MMEL1: variants seen among roughly 807,000 people sequenced by gnomAD.
MMEL1 encodes membrane metallo-endopeptidase-like 1.
MMEL1 carries 98 observed loss-of-function variants against 117.1 expected under a neutral mutation model. The ratio of observed to expected loss-of-function variants is 0.84; its 90% CI spans 0.71 to 0.99. The LOEUF (loss-of-function observed/expected upper bound fraction) is 0.99. Ranked by LOEUF, MMEL1 falls within the 50% of genes least tolerant of loss-of-function variation. The pLI is 0.00. For missense variants in MMEL1, 1,014 were observed against 1,049.1 expected (o/e 0.97, Z 0.46); for synonymous variants, 390 against 415.1 (o/e 0.94, Z 0.74).
intron 9 of MMEL1, among the ~76,000 whole-genome samples, chr1:2,604,649 C>T (rs1387560344): frequency 2.6e-5 from 4 of 151,726 alleles, no homozygotes; most frequent in Middle Eastern, 3.4e-3. Context: ...TGGTGGGTGC[C>T]GGGGTGGTGG....
At chr1:2,630,586 C>A (rs959942676) in intron 1 of MMEL1, among the ~76,000 whole-genome samples, 26 of 143,228 alleles carry the variant, frequency 1.8e-4, no homozygotes, top group African/African-American at 5.9e-4. Context: ...TGAGTGTGCA[C>A]GTGTGTGTCC....
chr1:2,601,432 C>A (rs1259802286), intron 11 of MMEL1, among the ~76,000 whole-genome samples: 1 of 152,106 alleles, frequency 6.6e-6, no homozygotes, highest in Non-Finnish European at 1.5e-5. Flanking sequence ...ATTCCTACAT[C>A]TCACTGTCCA....
chr1:2,629,333 C>T lies in MMEL1; in HGVS notation c.152G>A (p.Arg51Lys). The part of the protein sequence containing the change: ...VALGVLYADR[R>K]GKQLPRLASR... Reference sequence around the variant, plus strand: ...GGGGGCGGGGCACCCGCACTCACCTCTGCGGTCGGCGTAGAGGACACCCAA... The same window carrying T: ...GGGGGCGGGGCACCCGCACTCACCTTTGCGGTCGGCGTAGAGGACACCCAA... The change falls in exon 2 of 24, where the codon AGA becomes AAA. Residue 51 changes from arginine to lysine, a missense_variant and splice_region_variant. Arg to Lys is a conservative substitution (Grantham distance 26). Coordinates refer to ENST00000378412, the MANE Select transcript of MMEL1 (RefSeq NM_033467.4). The T allele has an allele frequency of 1.3e-6, 2 of 1,537,266 alleles. No homozygotes were observed.
At chr1:2,598,568 C>G in intron 12 of MMEL1, 86 bp downstream of exon 12, 1 of 1,583,094 alleles carries the variant, frequency 6.3e-7, no homozygotes, top group Non-Finnish European at 8.6e-7. Context: ...ATAGGGTCCC[C>G]TCCTGGGAGC....
At chr1:2,601,416 G>A (rs568137531) in intron 11 of MMEL1, among the ~76,000 whole-genome samples, 5 of 152,202 alleles carry the variant, frequency 3.3e-5, no homozygotes, top group Admixed American at 3.3e-4. Context: ...CCATAAGAAA[G>A]AAACAATTCC....
chr1:2,601,284 G>C (rs1231746551), intron 11 of MMEL1, among the ~76,000 whole-genome samples: 1 of 152,094 alleles, frequency 6.6e-6, no homozygotes, highest in African/African-American at 2.4e-5. Context: ...AGAGAGTCCA[G>C]AAATATACAT....
Position 2,596,858 on chromosome 1 carries a change from G to A in MMEL1, c.1273-169C>T, listed in dbSNP as rs182328090. ...CAGCCTCACCTCTGGGTGCTGCTGC[G>A]GCGGGGGGAAGGATGGGCATGGTAT... On this transcript the variant is annotated intron_variant, in intron 13 of 23. Coordinates refer to ENST00000378412, the MANE Select transcript of MMEL1 (RefSeq NM_033467.4). Among the ~76,000 whole-genome samples, 47 of 152,230 alleles carry A rather than the reference G, an allele frequency of 3.1e-4. No homozygotes were observed. The East Asian group carries it at 7.8e-3, about 25-fold the overall frequency.
rs74983730 is a variant in MMEL1 at position 2,617,802 on chromosome 1, G to T, written c.155-5598C>A. ...ACCCTTTTGACACAATGGCTGAAAA[G>T]AAACAAAATCTTACCCTAATGCTAA... On this transcript the variant is annotated intron_variant, in intron 2 of 23. Transcript: ENST00000378412. Among the ~76,000 whole-genome samples the T allele has an allele frequency of 4.6e-3, 693 of 152,264 alleles. 3 individuals carry two copies. Among genetic ancestry groups the T allele is most frequent in the African/African-American group, 0.015 (630 of 41,540 alleles).
chr1:2,630,496 G>A (rs1056438919), intron 1 of MMEL1, among the ~76,000 whole-genome samples: 7 of 151,216 alleles, frequency 4.6e-5, no homozygotes, highest in South Asian at 2.1e-4. Flanking sequence ...ACGTGTGTGC[G>A]TGTGCTCTCG....
At chr1:2,606,122 A>AGGAGCCC in intron 8 of MMEL1, 126 bp downstream of exon 8, 1 of 732,704 alleles carries the variant, frequency 1.4e-6, no homozygotes, top group Non-Finnish European at 2.3e-6. Context: ...GACAGGAGCC[A>AGGAGCCC]GGAGCCCAGG....
chr1:2,597,646 CG>C (rs1356583564), intron 13 of MMEL1, among the ~76,000 whole-genome samples: 1 of 152,182 alleles, frequency 6.6e-6, no homozygotes, highest in Non-Finnish European at 1.5e-5. Flanking sequence ...GGCCTCCCTG[CG>C]GTTCCTTGTC....
intron 9 of MMEL1, 102 bp from the exon 10 acceptor site, chr1:2,604,383 CT>C: frequency 6.7e-7 from 1 of 1,486,492 alleles, no homozygotes. Flanking sequence ...GGGGAAGCCC[CT>C]AATGCGTGTC....
chr1:2,602,092 C>G (rs551492480), intron 11 of MMEL1, among the ~76,000 whole-genome samples: 8 of 152,334 alleles, frequency 5.3e-5, no homozygotes, highest in Admixed American at 2.0e-4. Context: ...AGAGACAGCA[C>G]AGTGGGACCC....
At chr1:2,604,112 C>G (rs775056206) in intron 10 of MMEL1, 35 bp downstream of exon 10, 1 of 1,549,680 alleles carries the variant, frequency 6.5e-7, no homozygotes, top group Non-Finnish European at 8.8e-7. Flanking sequence ...CCAGCCCACT[C>G]GCTGCCCGCT....
intron 2 of MMEL1, among the ~76,000 whole-genome samples, chr1:2,614,660 T>C (rs937928417): frequency 1.3e-5 from 2 of 151,972 alleles, no homozygotes; most frequent in Admixed American, 6.6e-5. Context: ...CTCTGCCAGG[T>C]GAGCTAGACT....
rs150918608 is a variant in MMEL1 at position 2,606,348 on chromosome 1, T to C, written c.650A>G (p.Glu217Gly). Residue 217 changes from glutamate to glycine, a missense_variant, in exon 8 of 24, where the codon GAG becomes GGG. Physicochemically the swap from Glu to Gly is moderately conservative, Grantham distance 98 (BLOSUM62 -2). Transcript: ENST00000378412. ...NETVGLEWEL[E>G]RQLALMNSQF... ...TGAGTTCATCAGCGCCAGCTGCCGC[T>C]CCAGCTCCCACTCGAGTCCTGGGGA... is the stretch of plus-strand genomic sequence containing the variant. 4.8e-5 allele frequency: 77 copies of C among 1,611,936 alleles called. No individual in the cohort carries two copies. Among genetic ancestry groups the C allele is most frequent in the Non-Finnish European group, 6.0e-5 (71 of 1,179,784 alleles).
intron 1 of MMEL1, among the ~76,000 whole-genome samples, chr1:2,631,467 C>G (rs1248016781): frequency 1.3e-5 from 2 of 151,908 alleles, no homozygotes; most frequent in African/African-American, 4.8e-5. Context: ...TGTCCCTTAG[C>G]CTGTCTGGGC....
intron 11 of MMEL1, among the ~76,000 whole-genome samples, chr1:2,603,037 T>C (rs1011529335): frequency 6.6e-6 from 1 of 151,406 alleles, no homozygotes; most frequent in Non-Finnish European, 1.5e-5. Context: ...GGCAGCGGGG[T>C]GTTGGGGAAG....
chr1:2,623,820 A>G (rs548009428), intron 2 of MMEL1, among the ~76,000 whole-genome samples: 15 of 152,340 alleles, frequency 9.8e-5, no homozygotes, highest in Admixed American at 9.8e-4. Context: ...CTCGTCTGGC[A>G]GGCAGCAAAA....
Sources: allele counts gnomAD v4.1 joint callset (sites outside exome capture counted in the v4.1 genomes callset), GRCh38; gene constraint gnomAD v4.1.1; transcripts MANE v1.5; gene names NCBI Gene and HGNC (gene_info 2026-07-23, HGNC 2026-07-21).